COL8A1: variants seen among roughly 807,000 people sequenced by gnomAD.
The protein encoded by COL8A1 is collagen alpha-1(VIII) chain.
COL8A1 carries 21 observed loss-of-function variants against 42.7 expected under a neutral mutation model. The ratio of observed to expected loss-of-function variants is 0.49; its 90% CI spans 0.35 to 0.71. The LOEUF (loss-of-function observed/expected upper bound fraction) is 0.71. Ranked by LOEUF, COL8A1 falls within the 30% of genes least tolerant of loss-of-function variation. COL8A1 has a pLI of 0.01. For missense variants in COL8A1, 788 were observed against 962.4 expected (o/e 0.82, Z 2.40); for synonymous variants, 367 against 369.1 (o/e 0.99, Z 0.06).
chr3:99,658,171 C>T (rs1938088472), intron 1 of COL8A1, among the ~76,000 whole-genome samples: 1 of 151,914 alleles, frequency 6.6e-6, no homozygotes, highest in Non-Finnish European at 1.5e-5. Context: ...CATAGCCTTC[C>T]ACTGGAGTCC....
intron 1 of COL8A1, among the ~76,000 whole-genome samples, chr3:99,714,614 C>T (rs1939942244): frequency 6.6e-6 from 1 of 152,070 alleles, no homozygotes; most frequent in African/African-American, 2.4e-5. Context: ...TCCCAGGGAC[C>T]TGTTTCCATC....
chr3:99,659,233 G>T (rs62281832), intron 1 of COL8A1, among the ~76,000 whole-genome samples: 1 of 152,072 alleles, frequency 6.6e-6, no homozygotes, highest in Admixed American at 6.5e-5. Flanking sequence ...TAGCTGGCTC[G>T]TGGTTGGACC....
chr3:99,766,258 G>A (rs971072357), intron 2 of COL8A1, among the ~76,000 whole-genome samples: 5 of 152,118 alleles, frequency 3.3e-5, no homozygotes, highest in Non-Finnish European at 5.9e-5. Context: ...TATTCCCTAA[G>A]GTTACACAGC....
At chr3:99,723,023 G>GTGTC (rs1414991083) in intron 1 of COL8A1, among the ~76,000 whole-genome samples, 1 of 151,650 alleles carries the variant, frequency 6.6e-6, no homozygotes, top group Non-Finnish European at 1.5e-5. Context: ...GTGTGTGTGT[G>GTGTC]TGTGTGTGTG....
chr3:99,726,905 G>A (rs75367213), intron 1 of COL8A1, among the ~76,000 whole-genome samples: 26,763 of 151,912 alleles, frequency 0.18, 2,463 homozygotes, highest in South Asian at 0.23. Flanking sequence ...GCTCTTTTTT[G>A]GTTCCACATG....
At chr3:99,740,891 TATTG>T (rs889788997) in intron 1 of COL8A1, among the ~76,000 whole-genome samples, 9 of 152,162 alleles carry the variant, frequency 5.9e-5, no homozygotes, top group Non-Finnish European at 1.2e-4. Context: ...TATTTAACTG[TATTG>T]ATTTTTAGCT....
chr3:99,657,353 T>C (rs1938055177), intron 1 of COL8A1, among the ~76,000 whole-genome samples: 1 of 152,230 alleles, frequency 6.6e-6, no homozygotes, highest in Non-Finnish European at 1.5e-5. Context: ...ACCTGACTTC[T>C]TAATTATTTT....
At chr3:99,704,312 A>G (rs1043034588) in intron 1 of COL8A1, among the ~76,000 whole-genome samples, 3 of 152,202 alleles carry the variant, frequency 2.0e-5, no homozygotes, top group African/African-American at 7.2e-5. Flanking sequence ...GTGCCTTAAC[A>G]CTTTAAAGGG....
intron 2 of COL8A1, among the ~76,000 whole-genome samples, chr3:99,769,183 T>C (rs1189710338): frequency 6.6e-6 from 1 of 152,198 alleles, no homozygotes; most frequent in East Asian, 1.9e-4. Context: ...CTCTTCATAG[T>C]AGTGTTGTCA....
chr3:99,792,982 G>A (rs892819226), intron 3 of COL8A1, among the ~76,000 whole-genome samples: 4 of 151,984 alleles, frequency 2.6e-5, no homozygotes, highest in African/African-American at 9.7e-5. Flanking sequence ...GAAATATCTT[G>A]GCCATAAATT....
intron 2 of COL8A1, among the ~76,000 whole-genome samples, chr3:99,767,914 G>A (rs1941495587): frequency 2.0e-5 from 3 of 152,180 alleles, no homozygotes; most frequent in African/African-American, 7.2e-5. Flanking sequence ...AATTTCCTGG[G>A]CCTGGAACGA....
At position 99,704,380 on chromosome 3, in the gene COL8A1, G is replaced by A. The variant is rs559091308; in HGVS notation, c.-128-40517G>A. On this transcript the variant is annotated intron_variant, in intron 1 of 3. Transcript: ENST00000652472. The stretch of plus-strand genomic sequence containing the variant: ...CTACACTCAAAGATTTTGCAACCTT[G>A]TCAGAAGGACAAGGCTTATATCTTT... Among the ~76,000 whole-genome samples the A allele has an allele frequency of 4.6e-5, 7 of 151,792 alleles. No homozygotes were observed. The South Asian group carries it at 1.5e-3, about 32-fold the overall frequency.
intron 1 of COL8A1, among the ~76,000 whole-genome samples, chr3:99,640,832 T>C (rs1937493757): frequency 6.6e-6 from 1 of 152,188 alleles, no homozygotes; most frequent in Non-Finnish European, 1.5e-5. Context: ...GCATGGGATG[T>C]GGATACTTCA....
At chr3:99,650,971 GCATTGCCTGA>G (rs1313969368) in intron 1 of COL8A1, among the ~76,000 whole-genome samples, 2 of 152,170 alleles carry the variant, frequency 1.3e-5, no homozygotes, top group African/African-American at 4.8e-5. Context: ...CATGTTCAAT[GCATTGCCTGA>G]CTACAGGGTC....
intron 2 of COL8A1, among the ~76,000 whole-genome samples, chr3:99,773,823 A>ATATATATATATATATAT (rs1941632345): frequency 3.2e-5 from 2 of 62,980 alleles, no homozygotes; most frequent in Admixed American, 1.4e-4. Flanking sequence ...GTGTATATAT[A>ATATATATATATATATAT]TATATATATA....
rs11927336 is a variant in COL8A1 at position 99,645,080 on chromosome 3, C to T, written c.-129+6416C>T. Among the ~76,000 whole-genome samples, 1,362 of 152,278 alleles carry T rather than the reference C, an allele frequency of 8.9e-3. 22 individuals are homozygous for T. Among genetic ancestry groups the T allele is most frequent in the African/African-American group, 0.031 (1,275 of 41,540 alleles). ...GAGCACTGTGATGGGGCAGGTGGGA[C>T]GCATTTTCAAGCCAACATCCCATTT... On this transcript the variant is annotated intron_variant, in intron 1 of 3. Coordinates refer to ENST00000652472, the MANE Select transcript of COL8A1 (RefSeq NM_020351.4).
intron 2 of COL8A1, among the ~76,000 whole-genome samples, chr3:99,754,418 A>G (rs1941213611): frequency 6.6e-6 from 1 of 152,112 alleles, no homozygotes; most frequent in East Asian, 1.9e-4. Context: ...GAGATCATGG[A>G]TAATAACTAT....
At position 99,790,970 on chromosome 3, in the gene COL8A1, G is replaced by A. The variant is rs567420957; in HGVS notation, c.288G>A (p.Ala96=). The A allele has an allele frequency of 1.5e-4, 249 of 1,613,388 alleles. 2 individuals carry two copies. In the South Asian group the frequency reaches 2.2e-3, roughly 14 times the overall value. Residue 96 remains alanine, a synonymous_variant, in exon 3 of 4, where the codon GCG becomes GCA. Coordinates refer to ENST00000652472, the MANE Select transcript of COL8A1 (RefSeq NM_020351.4). Reference sequence around the variant, plus strand: ...AATATATGAAGGAAATTCAACCGGCGCCAAGAATGGGCAAGGAAGCCGTAC... The same window carrying A: ...AATATATGAAGGAAATTCAACCGGCACCAAGAATGGGCAAGGAAGCCGTAC... ...LPQYMKEIQP[A]PRMGKEAVPK...
Position 99,786,542 on chromosome 3 carries a change from G to T in COL8A1, c.-3-4138G>T, listed in dbSNP as rs1439822649. Among the ~76,000 whole-genome samples the T allele has an allele frequency of 3.3e-5, 5 of 152,246 alleles. No homozygotes were observed. In the South Asian group the frequency reaches 1.0e-3, roughly 32 times the overall value. ...GCCTCATGAACACTGAGAAATTGCTGTTCTTTATAAACCACTCAACCTATG... is the reference window on the plus strand; with the variant it reads ...GCCTCATGAACACTGAGAAATTGCTTTTCTTTATAAACCACTCAACCTATG... On this transcript the variant is annotated intron_variant, in intron 2 of 3. Coordinates refer to ENST00000652472, the MANE Select transcript of COL8A1 (RefSeq NM_020351.4).
Sources: allele counts gnomAD v4.1 joint callset (sites outside exome capture counted in the v4.1 genomes callset), GRCh38; gene constraint gnomAD v4.1.1; transcripts MANE v1.5; gene names NCBI Gene and HGNC (gene_info 2026-07-23, HGNC 2026-07-21).